LIMD1: variants seen among roughly 807,000 people sequenced by gnomAD.
LIMD1 encodes the protein LIM domain-containing protein 1.
A neutral mutation model predicts 58.4 loss-of-function variants in LIMD1; 23 were observed. That is an observed-to-expected ratio of 0.39 (90% CI 0.28 to 0.56). The LOEUF is 0.56. Among genes scored for constraint, LIMD1 ranks in the 20% least tolerant of loss-of-function variants. The probability of loss-of-function intolerance (pLI) is 0.57; values close to 1 mark genes in which losing one functional copy is unlikely to be tolerated. For missense variants in LIMD1, 838 were observed against 855.5 expected (o/e 0.98, Z 0.25); for synonymous variants, 334 against 345.5 (o/e 0.97, Z 0.37).
At chr3:45,606,524 C>G (rs13072648) in intron 1 of LIMD1, among the ~76,000 whole-genome samples, 85,997 of 151,982 alleles carry the variant, frequency 0.57, 24,784 homozygotes, top group Non-Finnish European at 0.63. Context: ...GTCCAGGAGC[C>G]TGTGCCTGCA....
intron 1 of LIMD1, among the ~76,000 whole-genome samples, chr3:45,603,180 G>A (rs1701433341): frequency 6.6e-6 from 1 of 152,134 alleles, no homozygotes; most frequent in Non-Finnish European, 1.5e-5. Context: ...GACTTTATTA[G>A]CAATAGATGC....
chr3:45,611,673 A>AG, intron 1 of LIMD1, among the ~76,000 whole-genome samples: 1 of 152,138 alleles, frequency 6.6e-6, no homozygotes, highest in Non-Finnish European at 1.5e-5. Flanking sequence ...TGGCCAATGC[A>AG]GGGGCAGGCT....
intron 2 of LIMD1, among the ~76,000 whole-genome samples, chr3:45,639,819 A>G (rs1205545525): frequency 6.6e-6 from 1 of 151,944 alleles, no homozygotes; most frequent in Non-Finnish European, 1.5e-5. Flanking sequence ...TGCGCCACCA[A>G]ACCTGGCTAA....
At chr3:45,638,894 T>G (rs1701814981) in intron 2 of LIMD1, among the ~76,000 whole-genome samples, 2 of 152,234 alleles carry the variant, frequency 1.3e-5, no homozygotes, top group African/African-American at 4.8e-5. Flanking sequence ...TGTTTTGTTT[T>G]GAGATGGGGT....
chr3:45,664,737 C>T (rs753248004), intron 2 of LIMD1, among the ~76,000 whole-genome samples: 4 of 152,346 alleles, frequency 2.6e-5, no homozygotes, highest in South Asian at 2.1e-4. Flanking sequence ...AGCCAGTGTT[C>T]GTCTGGCGGG....
intron 6 of LIMD1, 52 bp from the exon 7 acceptor site, chr3:45,674,291 C>T: frequency 6.8e-7 from 1 of 1,470,534 alleles, no homozygotes; most frequent in Non-Finnish European, 9.5e-7. Flanking sequence ...TCAAGCCCGA[C>T]AGCCCCCCTA....
chr3:45,632,645 A>ATGTCTTAACTGTGGC, intron 1 of LIMD1: 1 of 636,234 alleles, frequency 1.6e-6, no homozygotes, highest in Non-Finnish European at 2.0e-6. Context: ...TGCGGAGGCC[A>ATGTCTTAACTGTGGC]CAGTTAAGAC....
intron 4 of LIMD1, among the ~76,000 whole-genome samples, chr3:45,670,862 CTCTT>C (rs1460250458): frequency 6.6e-6 from 1 of 152,170 alleles, no homozygotes; most frequent in East Asian, 1.9e-4. Context: ...AGCTGTCTAA[CTCTT>C]TGTGTAAATT....
intron 7 of LIMD1, among the ~76,000 whole-genome samples, chr3:45,674,794 T>C (rs1352498957): frequency 6.6e-6 from 1 of 152,146 alleles, no homozygotes; most frequent in African/African-American, 2.4e-5. Flanking sequence ...TCTATCTGCC[T>C]GAAGCTCCTT....
chr3:45,657,270 C>T (rs1246610103), intron 2 of LIMD1, among the ~76,000 whole-genome samples: 2 of 152,184 alleles, frequency 1.3e-5, no homozygotes, highest in Non-Finnish European at 2.9e-5. Flanking sequence ...ATCTAAATGC[C>T]TGTCATCACA....
At position 45,679,180 on chromosome 3, in the gene LIMD1, C is replaced by T. The variant is rs574662932; in HGVS notation, c.*2121C>T. 6.6e-6 allele frequency: 1 copy of T among 152,322 alleles called. No homozygotes were observed. The highest frequency in any genetic ancestry group is 2.1e-4 in the South Asian group (1 of 4,830). The allele number at this position is 152,322 out of a possible 1,614,324, so 9.4% of individuals were successfully genotyped here. A position where few individuals can be genotyped will look rare whatever the true frequency, so the allele number is the denominator to read the frequency against. ...TAATTAGTTTAAAAATCTGTGATTA[C>T]ATTTTTAAATGAAATTTTCAAAGTG... On this transcript the variant is annotated 3_prime_UTR_variant, in exon 8 of 8. Coordinates refer to ENST00000273317, the MANE Select transcript of LIMD1 (RefSeq NM_014240.3).
Position 45,594,806 on chromosome 3 carries a change from C to CACACACACACACGGCACCTGG in LIMD1, c.-62_-61insGGCACCTGGACACACACACAC, listed in dbSNP as rs1553642016. ...ACACACACACACACACACACACACA[C>CACACACACACACGGCACCTGG]ACACACACACACACACACACACACA... On this transcript the variant is annotated 5_prime_UTR_variant, in exon 1 of 8. Transcript: ENST00000273317. The CACACACACACACGGCACCTGG allele has an allele frequency of 6.0e-5, 29 of 486,282 alleles. No homozygotes were observed. The highest frequency in any genetic ancestry group is 5.6e-4 in the African/African-American group (28 of 50,062). 30.1% of individuals were successfully genotyped at this position (486,282 alleles called of 1,614,324 possible).
chr3:45,606,983 G>A (rs111409345), intron 1 of LIMD1, among the ~76,000 whole-genome samples: 3,011 of 152,170 alleles, frequency 0.02, 92 homozygotes, highest in African/African-American at 0.068. Flanking sequence ...TAGTGGAGAC[G>A]GGGTTTCACC....
chr3:45,654,976 A>G (rs377091919), intron 2 of LIMD1, among the ~76,000 whole-genome samples: 5 of 150,162 alleles, frequency 3.3e-5, no homozygotes, highest in South Asian at 2.1e-4. Flanking sequence ...CTGGAGTACA[A>G]TGGTGCAATC....
In LIMD1 at chr3:45,677,113, G is replaced by T; in HGVS notation, c.*54G>T. Reference sequence around the variant, plus strand: ...GGGATGAGGAGCCGGGGTTGCTGCTGCTGCTTCCGGTGGCCCCTGGGGTGG... The same window carrying T: ...GGGATGAGGAGCCGGGGTTGCTGCTTCTGCTTCCGGTGGCCCCTGGGGTGG... On this transcript the variant is annotated 3_prime_UTR_variant, in exon 8 of 8. Coordinates refer to ENST00000273317, the MANE Select transcript of LIMD1 (RefSeq NM_014240.3). The T allele has an allele frequency of 6.3e-7, 1 of 1,589,862 alleles. No homozygotes were observed. Among genetic ancestry groups the T allele is most frequent in the Non-Finnish European group, 8.6e-7 (1 of 1,167,132 alleles).
chr3:45,654,947 TCTCA>T (rs1208441901), intron 2 of LIMD1, among the ~76,000 whole-genome samples: 9 of 149,856 alleles, frequency 6.0e-5, no homozygotes, highest in Non-Finnish European at 1.3e-4. Flanking sequence ...TAAGACATAG[TCTCA>T]CTCTGTCACC....
At position 45,673,516 on chromosome 3, in the gene LIMD1, C is replaced by G; in HGVS notation, c.1824+11C>G. 1 of 1,609,576 alleles carries G rather than the reference C, an allele frequency of 6.2e-7. No individual in the cohort carries two copies. The highest frequency in any genetic ancestry group is 1.7e-4 in the Middle Eastern group (1 of 6,046). On this transcript the variant is annotated intron_variant, in intron 6 of 7. Coordinates refer to ENST00000273317, the MANE Select transcript of LIMD1 (RefSeq NM_014240.3). ...ATCCTTCCACCTGAGGTAAGATGCC[C>G]TTCCAGACATGCTCCCAGGGGCTTC...
intron 1 of LIMD1, chr3:45,635,926 G>T: frequency 2.0e-6 from 2 of 985,270 alleles, no homozygotes; most frequent in Non-Finnish European, 2.4e-6. Flanking sequence ...TAACAGTGGG[G>T]CAGGGAAAGT....
At chr3:45,596,440 C>T (rs1174803261) in intron 1 of LIMD1, among the ~76,000 whole-genome samples, 153 bp downstream of exon 1, 1 of 152,148 alleles carries the variant, frequency 6.6e-6, no homozygotes, top group Non-Finnish European at 1.5e-5. Context: ...CCTCTTTCAG[C>T]TGCTTTTTCT....
Sources: allele counts gnomAD v4.1 joint callset (sites outside exome capture counted in the v4.1 genomes callset), GRCh38; gene constraint gnomAD v4.1.1; transcripts MANE v1.5; gene names NCBI Gene and HGNC (gene_info 2026-07-23, HGNC 2026-07-21).